Variants in PCDHGC4 observed in about 807,000 individuals in gnomAD.
PCDHGC4 encodes the protein protocadherin gamma-C4.
In PCDHGC4, 15 loss-of-function variants were observed where a neutral mutation model predicts 59.7. That is an observed-to-expected ratio of 0.25 (90% CI 0.17 to 0.39). PCDHGC4 has a LOEUF of 0.39. Ranked by LOEUF, PCDHGC4 falls within the 10% of genes least tolerant of loss-of-function variation. The probability of loss-of-function intolerance (pLI) is 1.00; values close to 1 mark genes in which losing one functional copy is unlikely to be tolerated. For synonymous variants in PCDHGC4, 434 were observed against 481.4 expected, an observed-to-expected ratio of 0.90 and a Z score of 1.29; for missense variants, 1,016 against 1,189.5, an observed-to-expected ratio of 0.85 and a Z score of 2.15.
chr5:141,506,435 G>T (rs1470687416), intron 3 of PCDHGC4, among the ~76,000 whole-genome samples: 1 of 126,234 alleles, frequency 7.9e-6, no homozygotes, highest in Non-Finnish European at 1.6e-5. Context: ...CAACAGTCTC[G>T]CTCTGTCTCA....
At chr5:141,500,184 T>TTATA (rs530565701) in intron 2 of PCDHGC4, among the ~76,000 whole-genome samples, 2 of 135,886 alleles carry the variant, frequency 1.5e-5, no homozygotes, top group Non-Finnish European at 3.2e-5. Flanking sequence ...TCATTTTTAT[T>TTATA]TTTATTTATT....
chr5:141,510,510 G>C (rs1042950478), intron 3 of PCDHGC4, among the ~76,000 whole-genome samples: 1 of 152,132 alleles, frequency 6.6e-6, no homozygotes, highest in Non-Finnish European at 1.5e-5. Context: ...CTGAGAGCCC[G>C]TGTCACAGCC....
At position 141,486,418 on chromosome 5, in the gene PCDHGC4, A is replaced by G. The variant is rs1174910867; in HGVS notation, c.1245A>G (p.Arg415=). Residue 415 remains arginine, a synonymous_variant, in exon 1 of 4, where the codon CGA becomes CGG. Transcript: ENST00000306593. This position sits in a 1 kb window ranked among gnomAD's most constrained non-coding sequence, Gnocchi z 5.0. The part of the protein sequence containing the change: ...FSLVTAGPLD[R]EAKSSYDIMV... ...TGGTGACTGCTGGACCCTTGGATCG[A>G]GAGGCCAAATCTAGCTATGACATCA... is the stretch of plus-strand genomic sequence containing the variant. The G allele has an allele frequency of 3.7e-6, 6 of 1,614,176 alleles. No individual in the cohort carries two copies. Among genetic ancestry groups the G allele is most frequent in the Non-Finnish European group, 5.1e-6 (6 of 1,180,020 alleles).
chr5:141,486,909 C>A lies in PCDHGC4; in HGVS notation c.1736C>A (p.Ala579Glu), dbSNP rs759702188. Residue 579 changes from alanine to glutamate, a missense_variant, in exon 1 of 4, where the codon GCA (alanine) becomes GAA (glutamate). Physicochemically the swap from Ala to Glu is moderately radical, Grantham distance 107. Coordinates refer to ENST00000306593, the MANE Select transcript of PCDHGC4 (RefSeq NM_018928.3). The surrounding 1 kb of genome is among the most constrained non-coding windows in gnomAD (Gnocchi z 5.0). ...CGGCCTGGTTCCTTATGTCCCCAAGCACTGCCTCCATCAGTTGGTGCTGGC... is the reference window on the plus strand; with the variant it reads ...CGGCCTGGTTCCTTATGTCCCCAAGAACTGCCTCCATCAGTTGGTGCTGGC... ...RARPGSLCPQ[A>E]LPPSVGAGHL... 3.1e-6 allele frequency: 5 copies of A among 1,614,262 alleles called. No individual in the cohort carries two copies. The East Asian group carries it at 1.1e-4, about 36-fold the overall frequency.
At position 141,512,644 on chromosome 5, in the gene PCDHGC4, G is replaced by T. The variant is rs1283774989; in HGVS notation, c.*1471G>T. Reference sequence around the variant, plus strand: ...ACCCCAGACCTGCCCTTACAGTAGTGTAGCGCCCCCTCCCTCTTTCGGCTG... The same window carrying T: ...ACCCCAGACCTGCCCTTACAGTAGTTTAGCGCCCCCTCCCTCTTTCGGCTG... On this transcript the variant is annotated 3_prime_UTR_variant, in exon 4 of 4. Coordinates refer to ENST00000306593, the MANE Select transcript of PCDHGC4 (RefSeq NM_018928.3). 1 of 152,528 alleles carries T rather than the reference G, an allele frequency of 6.6e-6. No individual in the cohort carries two copies. The allele number at this position is 152,528 out of a possible 1,614,324, so 9.4% of individuals were successfully genotyped here.
In PCDHGC4 at chr5:141,485,849, G is replaced by A. The variant is rs777288674; in HGVS notation, c.676G>A (p.Ala226Thr). ...AGGGAACCCGCCGAGATCTGGCACC[G>A]CAGAGCTCCGGGTATCCGTGCTGGA... ...DGGNPPRSGT[A>T]ELRVSVLDVN... is the part of the protein sequence containing the mutation. Residue 226 changes from alanine (A) to threonine (T), a missense_variant, in exon 1 of 4, where the codon GCA becomes ACA. Ala to Thr is a moderately conservative substitution (Grantham distance 58, BLOSUM62 0). Transcript: ENST00000306593. The surrounding 1 kb of genome is among the most constrained non-coding windows in gnomAD (Gnocchi z 5.7). 3 of 1,614,130 alleles carry A rather than the reference G, an allele frequency of 1.9e-6. No individual in the cohort carries two copies. In the South Asian group the frequency reaches 3.3e-5, roughly 18 times the overall value.
chr5:141,492,833 C>T (rs951935267), intron 1 of PCDHGC4, among the ~76,000 whole-genome samples: 2 of 152,222 alleles, frequency 1.3e-5, no homozygotes, highest in African/African-American at 4.8e-5. Flanking sequence ...CCCTTCCTCC[C>T]GCAGGAAGTG....
chr5:141,487,475 C>A lies in PCDHGC4; in HGVS notation c.2302C>A (p.His768Asn). 6.2e-7 allele frequency: 1 copy of A among 1,614,156 alleles called. No individual in the cohort carries two copies. The highest frequency in any genetic ancestry group is 8.5e-7 in the Non-Finnish European group (1 of 1,180,032). Residue 768 changes from histidine (H) to asparagine (N), a missense_variant, in exon 1 of 4, where the codon CAC (histidine) becomes AAC (asparagine). Physicochemically the swap from His to Asn is moderately conservative, Grantham distance 68. Transcript: ENST00000306593. This position sits in a 1 kb window ranked among gnomAD's most constrained non-coding sequence, Gnocchi z 5.0. ...TATCAAGTTTGTTGATGTGGGAGGC[C>A]ACTCTCATGGCTGTACACCCTTGGC... ...DPIKFVDVGGHSHGCTPLASA... is the reference protein window; with the variant it reads ...DPIKFVDVGGNSHGCTPLASA...
Position 141,511,178 on chromosome 5 carries a change from G to A in PCDHGC4, c.*5G>A. The A allele has an allele frequency of 6.2e-7, 1 of 1,614,090 alleles. No homozygotes were observed. Among genetic ancestry groups the A allele is most frequent in the South Asian group, 1.1e-5 (1 of 91,074 alleles). On this transcript the variant is annotated 3_prime_UTR_variant, in exon 4 of 4. Coordinates refer to ENST00000306593, the MANE Select transcript of PCDHGC4 (RefSeq NM_018928.3). ...GGCAAGAAGGAGAAGAAGTAACATG[G>A]AGGCCAGGCCAAGAGCCACAGGGCG...
intron 2 of PCDHGC4, among the ~76,000 whole-genome samples, chr5:141,501,761 G>C (rs906778888): frequency 2.6e-5 from 4 of 152,090 alleles, no homozygotes; most frequent in African/African-American, 4.8e-5. Flanking sequence ...CTCAGTAAAT[G>C]GTTAAAAAAG....
rs765887978 is a variant in PCDHGC4 at position 141,486,476 on chromosome 5, C to T, written c.1303C>T (p.Leu435Phe). The T allele has an allele frequency of 8.7e-6, 14 of 1,613,934 alleles. No homozygotes were observed. The highest frequency in any genetic ancestry group is 1.7e-5 in the Admixed American group (1 of 60,016). ...TGCTTCTGATGCTGGGAACCCTCCT[C>T]TCAGTACCCACAGAACTATTTTCCT... ...VTASDAGNPPLSTHRTIFLNI... is the reference protein window; with the variant it reads ...VTASDAGNPPFSTHRTIFLNI... Residue 435 changes from leucine to phenylalanine, a missense_variant, in exon 1 of 4, where the codon CTC becomes TTC. By Grantham distance (22) the Leu-to-Phe change is conservative. Transcript: ENST00000306593. This position sits in a 1 kb window ranked among gnomAD's most constrained non-coding sequence, Gnocchi z 5.0.
chr5:141,489,793 C>G lies in PCDHGC4; in HGVS notation c.2442+2178C>G. On this transcript the variant is annotated intron_variant, in intron 1 of 3. Transcript: ENST00000306593. This position sits in a 1 kb window ranked among gnomAD's most constrained non-coding sequence, Gnocchi z 4.5. ...CCACTTCTCTCTGAATGTGAAGACC[C>G]TAAAAGATGGGAAGCCATTCCCAGA... 1 of 1,614,160 alleles carries G rather than the reference C, an allele frequency of 6.2e-7. No individual in the cohort carries two copies. The highest frequency in any genetic ancestry group is 1.1e-5 in the South Asian group (1 of 91,078).
Position 141,486,998 on chromosome 5 carries a change from C to T in PCDHGC4, c.1825C>T (p.Gln609Ter). 1.2e-6 allele frequency: 2 copies of T among 1,614,206 alleles called. No individual in the cohort carries two copies. Among genetic ancestry groups the T allele is most frequent in the Non-Finnish European group, 1.7e-6 (2 of 1,180,034 alleles). The change falls in exon 1 of 4, where the codon CAG (glutamine) becomes TAG (stop). Residue 609 changes from glutamine to a stop codon, truncating the protein, a stop_gained. Transcript: ENST00000306593. LOFTEE classifies it high-confidence loss of function. The surrounding 1 kb of genome is among the most constrained non-coding windows in gnomAD (Gnocchi z 5.0). The stretch of plus-strand genomic sequence containing the variant: ...AGGTTACAATGCTTGGGTTTCCTAT[C>T]AGCTCCTGGAGGCCCCAGATCCCAG... ...DSGYNAWVSY[Q>*]LLEAPDPSLF...
chr5:141,500,493 G>A (rs1239876467), intron 2 of PCDHGC4, among the ~76,000 whole-genome samples: 1 of 152,166 alleles, frequency 6.6e-6, no homozygotes, highest in Admixed American at 6.5e-5. Context: ...ACAGGCGTGA[G>A]CCACCGCGCC....
chr5:141,499,881 T>A (rs2099795027), intron 2 of PCDHGC4, among the ~76,000 whole-genome samples: 1 of 152,082 alleles, frequency 6.6e-6, no homozygotes, highest in African/African-American at 2.4e-5. Flanking sequence ...ACAAACAGGG[T>A]TTCGCCATGT....
In PCDHGC4 at chr5:141,510,989, C is replaced by A. The variant is rs2099883548; in HGVS notation, c.2633C>A (p.Thr878Asn). The A allele has an allele frequency of 1.2e-6, 2 of 1,614,198 alleles. No homozygotes were observed. The highest frequency in any genetic ancestry group is 1.7e-6 in the Non-Finnish European group (2 of 1,180,022). ...TCCACCCTGGGAGGGGGTGCCGGCA[C>A]CATGGGATTGAGCGCCCGCTACGGA... is the stretch of plus-strand genomic sequence containing the variant. ...GSSTLGGGAG[T>N]MGLSARYGPQ... Residue 878 changes from threonine to asparagine, a missense_variant, in exon 4 of 4, where the codon ACC becomes AAC. Thr to Asn is a moderately conservative substitution (Grantham distance 65, BLOSUM62 0). Transcript: ENST00000306593.
Position 141,490,693 on chromosome 5 carries a change from G to A in PCDHGC4, c.2442+3078G>A. On this transcript the variant is annotated intron_variant, in intron 1 of 3. Coordinates refer to ENST00000306593, the MANE Select transcript of PCDHGC4 (RefSeq NM_018928.3). This position sits in a 1 kb window ranked among gnomAD's most constrained non-coding sequence, Gnocchi z 5.4. ...GGCTGCCTCAGATCCAGACACTGGGGATAATGCCCGCCTCACCTACTCCAT... is the reference window on the plus strand; with the variant it reads ...GGCTGCCTCAGATCCAGACACTGGGAATAATGCCCGCCTCACCTACTCCAT... 1.9e-6 allele frequency: 3 copies of A among 1,614,170 alleles called. No homozygotes were observed. Among genetic ancestry groups the A allele is most frequent in the Non-Finnish European group, 2.5e-6 (3 of 1,180,018 alleles).
In PCDHGC4 at chr5:141,486,369, C is replaced by T; in HGVS notation, c.1196C>T (p.Ser399Phe). 8 of 1,614,128 alleles carry T rather than the reference C, an allele frequency of 5.0e-6. No homozygotes were observed. The highest frequency in any genetic ancestry group is 6.8e-6 in the Non-Finnish European group (8 of 1,179,996). Residue 399 changes from serine (S) to phenylalanine (F), a missense_variant, in exon 1 of 4, where the codon TCT (serine) becomes TTT (phenylalanine). Physicochemically the swap from Ser to Phe is radical, Grantham distance 155. Coordinates refer to ENST00000306593, the MANE Select transcript of PCDHGC4 (RefSeq NM_018928.3). The surrounding 1 kb of genome is among the most constrained non-coding windows in gnomAD (Gnocchi z 5.0). ...GACCACTTGCCATTTGCCCTCAAGT[C>T]TGCCTTCAGGAACCAGTTCTCCCTG... Reference protein sequence around the residue: ...IPDHLPFALKSAFRNQFSLVT... With the variant: ...IPDHLPFALKFAFRNQFSLVT...
At chr5:141,509,032 A>G (rs2099873869) in intron 3 of PCDHGC4, among the ~76,000 whole-genome samples, 1 of 151,488 alleles carries the variant, frequency 6.6e-6, no homozygotes, top group African/African-American at 2.4e-5. Flanking sequence ...CTCCCACTCA[A>G]CCCCTCTCCC....
Sources: gnomAD v4.1 joint callset for allele counts (sites outside exome capture counted in the v4.1 genomes callset) on GRCh38, gnomAD v4.1.1 for gene constraint, Gnocchi (gnomAD v3.1) non-coding constraint, MANE v1.5 for transcripts, NCBI Gene and HGNC (gene_info 2026-07-23, HGNC 2026-07-21) for gene names.